Variants in PBX1 observed in about 807,000 individuals in gnomAD.
The protein encoded by PBX1 is pre-B-cell leukemia transcription factor 1.
In PBX1, 6 loss-of-function variants were observed where a neutral mutation model predicts 53.4. That is an observed-to-expected ratio of 0.11 (90% confidence interval 0.06 to 0.22). The LOEUF (loss-of-function observed/expected upper bound fraction) is 0.22. Among genes scored for constraint, PBX1 ranks in the 10% least tolerant of loss-of-function variants. The pLI is 1.00. For synonymous variants in PBX1, 204 were observed against 212.3 expected, an observed-to-expected ratio of 0.96 and a Z score of 0.34; for missense variants, 251 against 551.4, an observed-to-expected ratio of 0.46 and a Z score of 5.46.
intron 1 of PBX1, among the ~76,000 whole-genome samples, chr1:164,561,294 T>C (rs1653022217): frequency 6.6e-6 from 1 of 152,192 alleles, no homozygotes; most frequent in East Asian, 1.9e-4. Context: ...GAGGAAGCAG[T>C]TAAAAACATA....
intron 2 of PBX1, among the ~76,000 whole-genome samples, chr1:164,732,320 A>T (rs965613033): frequency 6.6e-6 from 1 of 152,148 alleles, no homozygotes; most frequent in African/African-American, 2.4e-5. Flanking sequence ...GATTAGTGCC[A>T]CCCCAAATAC....
chr1:164,637,751 T>G (rs1419429646), intron 2 of PBX1, among the ~76,000 whole-genome samples: 2 of 152,170 alleles, frequency 1.3e-5, no homozygotes, highest in Non-Finnish European at 1.5e-5. Flanking sequence ...ATTTGGCCCT[T>G]ATTTTGTCCT....
chr1:164,651,668 G>A (rs2101923735), intron 2 of PBX1, among the ~76,000 whole-genome samples: 1 of 152,256 alleles, frequency 6.6e-6, no homozygotes, highest in East Asian at 1.9e-4. Flanking sequence ...GGAGAAGAAA[G>A]GAGGGGAATG....
intron 2 of PBX1, among the ~76,000 whole-genome samples, chr1:164,707,194 G>T (rs561276957): frequency 3.4e-4 from 52 of 152,300 alleles, no homozygotes; most frequent in African/African-American, 1.2e-3. Context: ...TTATGGGAGG[G>T]AGCGTCTGTG....
intron 2 of PBX1, among the ~76,000 whole-genome samples, chr1:164,874,940 C>T (rs1474353723): frequency 6.6e-6 from 1 of 152,170 alleles, no homozygotes; most frequent in Non-Finnish European, 1.5e-5. Context: ...TTCCTCAAAA[C>T]CTTCCTCCAC....
At chr1:164,714,944 A>G (rs901739206) in intron 2 of PBX1, among the ~76,000 whole-genome samples, 4 of 152,168 alleles carry the variant, frequency 2.6e-5, no homozygotes, top group Admixed American at 6.5e-5. Flanking sequence ...GAAGCATTCA[A>G]AATAAATCCC....
intron 2 of PBX1, among the ~76,000 whole-genome samples, chr1:164,693,516 G>T (rs1662621560): frequency 6.6e-6 from 1 of 152,062 alleles, no homozygotes; most frequent in African/African-American, 2.4e-5. Flanking sequence ...TACTGCTTCA[G>T]TTGCTTCACA....
At chr1:164,618,681 G>T (rs1657464032) in intron 2 of PBX1, among the ~76,000 whole-genome samples, 1 of 152,130 alleles carries the variant, frequency 6.6e-6, no homozygotes, top group Non-Finnish European at 1.5e-5. Context: ...CTTGCCTGAA[G>T]AATTCATTAT....
intron 2 of PBX1, among the ~76,000 whole-genome samples, chr1:164,650,616 C>G (rs999043218): frequency 6.6e-6 from 1 of 152,140 alleles, no homozygotes; most frequent in Non-Finnish European, 1.5e-5. Context: ...CCATCATAGT[C>G]CCTAAAACTT....
intron 2 of PBX1, among the ~76,000 whole-genome samples, chr1:164,745,135 C>T (rs1415681199): frequency 6.6e-6 from 1 of 152,132 alleles, no homozygotes; most frequent in Non-Finnish European, 1.5e-5. Flanking sequence ...TTTTTTTCCG[C>T]TATGCCACAT....
intron 2 of PBX1, among the ~76,000 whole-genome samples, chr1:164,576,375 C>T (rs1654236759): frequency 6.6e-6 from 1 of 152,182 alleles, no homozygotes; most frequent in African/African-American, 2.4e-5. Flanking sequence ...CGCTTGGGAG[C>T]GCCCGGCCAC....
chr1:164,776,981 A>AGAGGC, intron 2 of PBX1, among the ~76,000 whole-genome samples: 1 of 15,052 alleles, frequency 6.6e-5, no homozygotes, highest in South Asian at 3.3e-3. Flanking sequence ...GAGAGAGAGG[A>AGAGGC]GGTGTGGGGG....
At chr1:164,687,478 A>G (rs574366473) in intron 2 of PBX1, among the ~76,000 whole-genome samples, 1 of 146,454 alleles carries the variant, frequency 6.8e-6, no homozygotes, top group South Asian at 2.2e-4. Flanking sequence ...GGGAGGATCC[A>G]CCTGAGCCCT....
chr1:164,799,352 G>A (rs1001309628), intron 3 of PBX1, among the ~76,000 whole-genome samples: 15 of 152,034 alleles, frequency 9.9e-5, no homozygotes, highest in Non-Finnish European at 2.1e-4. Context: ...TTAGCTGGGC[G>A]TGGTGGCGGG....
chr1:164,776,932 T>TGTA (rs1667684181), intron 2 of PBX1, among the ~76,000 whole-genome samples: 1 of 74,570 alleles, frequency 1.3e-5, no homozygotes, highest in Non-Finnish European at 2.5e-5. Flanking sequence ...TGTGTGTGTG[T>TGTA]GTGGTGGGAG....
rs762735499 is a variant in PBX1, at chr1:164,849,336, C to T, written c.*2660C>T. On this transcript the variant is annotated 3_prime_UTR_variant, in exon 9 of 9. Coordinates refer to ENST00000420696, the MANE Select transcript of PBX1 (RefSeq NM_002585.4). ...GCATTTCACTTAGTCTTCTCTATAC[C>T]CAGCACCTCCCCCGGCACCCCCGGC... The T allele has an allele frequency of 2.0e-6, 3 of 1,535,640 alleles. No homozygotes were observed. Among genetic ancestry groups the T allele is most frequent in the South Asian group, 1.2e-5 (1 of 84,050 alleles).
chr1:164,785,594 C>T (rs1668134054), intron 2 of PBX1, among the ~76,000 whole-genome samples: 1 of 152,222 alleles, frequency 6.6e-6, no homozygotes, highest in Admixed American at 6.5e-5. Context: ...AGCCTCAAAG[C>T]AGTTGGTGTC....
At chr1:164,592,446 G>C (rs1382121186) in intron 2 of PBX1, among the ~76,000 whole-genome samples, 1 of 152,150 alleles carries the variant, frequency 6.6e-6, no homozygotes, top group African/African-American at 2.4e-5. Context: ...TAATTCTCAA[G>C]GGTCTGCAAA....
At chr1:164,708,624 C>T (rs548668757) in intron 2 of PBX1, among the ~76,000 whole-genome samples, 1 of 152,170 alleles carries the variant, frequency 6.6e-6, no homozygotes, top group Non-Finnish European at 1.5e-5. Context: ...TTGTTTAGCT[C>T]CCACTTGTAA....
Sources: gnomAD v4.1 joint callset for allele counts (sites outside exome capture counted in the v4.1 genomes callset) on GRCh38, gnomAD v4.1.1 for gene constraint, MANE v1.5 for transcripts, NCBI Gene and HGNC (gene_info 2026-07-23, HGNC 2026-07-21) for gene names.